WNK2: variants seen among roughly 807,000 people sequenced by gnomAD.
WNK2 encodes WNK lysine deficient protein kinase 2.
In WNK2, 67 loss-of-function variants were observed where a neutral mutation model predicts 192.1. The observed-to-expected ratio is 0.35, with a 90% confidence interval of 0.29 to 0.43. The LOEUF is 0.43. WNK2 is among the 20% of genes least tolerant of loss of function. The pLI, the probability that WNK2 is intolerant of heterozygous loss-of-function variation, is 1.00. For missense variants in WNK2, 2,698 were observed against 3,089.7 expected (o/e 0.87, Z 3.01); for synonymous variants, 1,439 against 1,393.9 (o/e 1.03, Z -0.72).
intron 6 of WNK2, 108 bp downstream of exon 6, chr9:93,238,429 T>C: frequency 9.1e-7 from 1 of 1,102,246 alleles, no homozygotes; most frequent in Non-Finnish European, 1.3e-6. Context: ...ACAGGCAGGC[T>C]CAGGCCAGGG....
chr9:93,245,194 G>T (rs187726665), intron 7 of WNK2, among the ~76,000 whole-genome samples: 1 of 152,168 alleles, frequency 6.6e-6, no homozygotes, highest in African/African-American at 2.4e-5. Flanking sequence ...TATTTTCCAC[G>T]AACCATTTGA....
At chr9:93,201,012 G>T (rs552272622) in intron 2 of WNK2, among the ~76,000 whole-genome samples, 1 of 152,296 alleles carries the variant, frequency 6.6e-6, no homozygotes, top group African/African-American at 2.4e-5. Context: ...ACAGCAAGGG[G>T]CCTTTCTTTT....
chr9:93,184,610 G>C (rs1315374928), intron 1 of WNK2, among the ~76,000 whole-genome samples: 1 of 152,150 alleles, frequency 6.6e-6, no homozygotes, highest in Non-Finnish European at 1.5e-5. Flanking sequence ...GGCAGGGCGC[G>C]AGATCCCTCT....
chr9:93,235,132 G>A (rs1245987564), intron 5 of WNK2, among the ~76,000 whole-genome samples, 167 bp downstream of exon 5: 1 of 152,214 alleles, frequency 6.6e-6, no homozygotes, highest in Non-Finnish European at 1.5e-5. Flanking sequence ...TACAGAGGGG[G>A]AAACTGAGGC....
intron 4 of WNK2, 51 bp from the exon 5 acceptor site, chr9:93,234,757 T>A: frequency 6.3e-7 from 1 of 1,581,216 alleles, no homozygotes; most frequent in South Asian, 1.2e-5. Flanking sequence ...GCTCCAGCTC[T>A]TCCTGGGCCC....
intron 2 of WNK2, among the ~76,000 whole-genome samples, chr9:93,186,152 C>G (rs1484762189): frequency 6.6e-6 from 1 of 152,232 alleles, no homozygotes; most frequent in Non-Finnish European, 1.5e-5. Context: ...GACCCAGGGC[C>G]TGTGACCCAG....
chr9:93,262,184 C>T, intron 13 of WNK2, 77 bp downstream of exon 13: 1 of 1,476,424 alleles, frequency 6.8e-7, no homozygotes, highest in Non-Finnish European at 9.0e-7. Flanking sequence ...GACCTGGGGT[C>T]TTAGTCCTAG....
chr9:93,200,825 T>G (rs1832208393), intron 2 of WNK2, among the ~76,000 whole-genome samples: 1 of 152,156 alleles, frequency 6.6e-6, no homozygotes, highest in African/African-American at 2.4e-5. Flanking sequence ...TGAATAAACT[T>G]GGCTAGGCGC....
rs1829123047 is a variant in WNK2 at position 93,185,473 on chromosome 9, G to C, written c.544G>C (p.Asp182His). ...EPEEEEDDED[D>H]LKAVATSLDG... ...CGAAGAGGAGGAGGACGACGAGGAC[G>C]ACCTCAAGGCCGTGGCCACCTCTCT... Residue 182 changes from aspartate to histidine, a missense_variant, in exon 2 of 30, where the codon GAC becomes CAC. Physicochemically the swap from Asp to His is moderately conservative, Grantham distance 81 (BLOSUM62 -1). Coordinates refer to ENST00000427277, the MANE Select transcript of WNK2 (RefSeq NM_006648.4). The C allele has an allele frequency of 1.2e-6, 2 of 1,612,722 alleles. No homozygotes were observed. Among genetic ancestry groups the C allele is most frequent in the Non-Finnish European group, 1.7e-6 (2 of 1,179,732 alleles).
intron 2 of WNK2, among the ~76,000 whole-genome samples, chr9:93,214,707 C>A (rs539822598): frequency 1.1e-4 from 13 of 121,798 alleles, no homozygotes; most frequent in Non-Finnish European, 1.2e-4. Context: ...GCCCCCCCCC[C>A]CCCCGCCCTC....
chr9:93,270,070 TG>T (rs1409162963), intron 19 of WNK2, among the ~76,000 whole-genome samples: 5 of 152,176 alleles, frequency 3.3e-5, no homozygotes, highest in Non-Finnish European at 7.3e-5. Flanking sequence ...TGAGAGGCCT[TG>T]TGGCTTCAGC....
At chr9:93,187,286 G>C (rs1829518684) in intron 2 of WNK2, among the ~76,000 whole-genome samples, 1 of 152,172 alleles carries the variant, frequency 6.6e-6, no homozygotes, top group African/African-American at 2.4e-5. Flanking sequence ...GTCCCCTGCA[G>C]GCATGGGGTG....
At chr9:93,232,566 T>G (rs1839008945) in intron 4 of WNK2, among the ~76,000 whole-genome samples, 1 of 152,122 alleles carries the variant, frequency 6.6e-6, no homozygotes, top group South Asian at 2.1e-4. Flanking sequence ...AGGCTTGTGA[T>G]CTCCTACTCA....
chr9:93,264,903 G>A (rs1271636608), intron 16 of WNK2, among the ~76,000 whole-genome samples: 1 of 152,206 alleles, frequency 6.6e-6, no homozygotes, highest in African/African-American at 2.4e-5. Flanking sequence ...GCCTGCCTGC[G>A]GCTGCTGCAT....
intron 2 of WNK2, among the ~76,000 whole-genome samples, chr9:93,195,821 A>G (rs1319464292): frequency 6.6e-6 from 1 of 151,494 alleles, no homozygotes; most frequent in Non-Finnish European, 1.5e-5. Context: ...TTGCACATGT[A>G]TAGCATTTAA....
At chr9:93,191,112 A>G (rs1258589901) in intron 2 of WNK2, among the ~76,000 whole-genome samples, 1 of 151,846 alleles carries the variant, frequency 6.6e-6, no homozygotes, top group Admixed American at 6.6e-5. Flanking sequence ...TCTGGGAAGC[A>G]AGTGGCCACC....
In WNK2 at chr9:93,292,629, G is replaced by A. The variant is rs1410755337; in HGVS notation, c.5164G>A (p.Gly1722Ser). 7.0e-6 allele frequency: 11 copies of A among 1,582,684 alleles called. No homozygotes were observed. Among genetic ancestry groups the A allele is most frequent in the Middle Eastern group, 1.7e-4 (1 of 5,998 alleles). The change falls in exon 23 of 30, where the codon GGC becomes AGC. Residue 1722 changes from glycine (G) to serine (S), a missense_variant. Transcript: ENST00000427277. Reference sequence around the variant, plus strand: ...CCAGGCTAGCCACCCCCAGACACTCGGCGCTCGAGCTTTGGGGTCCCCTCG... The same window carrying A: ...CCAGGCTAGCCACCCCCAGACACTCAGCGCTCGAGCTTTGGGGTCCCCTCG... ...GGQASHPQTL[G>S]ARALGSPRKR...
chr9:93,311,613 T>TTGTGTG lies in WNK2; in HGVS notation c.6516+3051_6516+3056dup, dbSNP rs71364368. ...AGATTTCCTTTCTGGGTTTTTTTGT[T>TTGTGTG]TGTGTGTGTGTGTGTGTGTGTGTGT... On this transcript the variant is annotated intron_variant, in intron 28 of 29. Transcript: ENST00000427277. Among the ~76,000 whole-genome samples the TTGTGTG allele has an allele frequency of 5.8e-3, 847 of 146,148 alleles. 8 individuals are homozygous for TTGTGTG. The highest frequency in any genetic ancestry group is 0.026 in the East Asian group (130 of 4,954).
Position 93,184,924 on chromosome 9 carries a change from A to C in WNK2, c.-2-4A>C. 1 of 1,212,362 alleles carries C rather than the reference A, an allele frequency of 8.2e-7. No individual in the cohort carries two copies. The highest frequency in any genetic ancestry group is 1.0e-6 in the Non-Finnish European group (1 of 976,948). The allele number at this position is 1,212,362 out of a possible 1,614,324, so 75.1% of individuals were successfully genotyped here. A position where few individuals can be genotyped will look rare whatever the true frequency, so the allele number is the denominator to read the frequency against. On this transcript the variant is annotated splice_region_variant and splice_polypyrimidine_tract_variant and intron_variant, in intron 1 of 29. Coordinates refer to ENST00000427277, the MANE Select transcript of WNK2 (RefSeq NM_006648.4). The stretch of plus-strand genomic sequence containing the variant: ...ACGCGGGCCTGTGTGTCCTTGGCCC[A>C]CAGAGATGGACGGCGATGGCGGCCG...
Sources: allele counts gnomAD v4.1 joint callset (sites outside exome capture counted in the v4.1 genomes callset), GRCh38; gene constraint gnomAD v4.1.1; transcripts MANE v1.5; gene names NCBI Gene and HGNC (gene_info 2026-07-23, HGNC 2026-07-21).